ADGRL3: variants seen among roughly 807,000 people sequenced by gnomAD.
ADGRL3 encodes calcium-independent alpha-latrotoxin receptor 3.
A neutral mutation model predicts 153.5 loss-of-function variants in ADGRL3; 62 were observed. The ratio of observed to expected loss-of-function variants is 0.40; its 90% CI spans 0.33 to 0.50. ADGRL3 has a LOEUF of 0.50. Ranked by LOEUF, ADGRL3 falls within the 20% of genes least tolerant of loss-of-function variation. The probability of loss-of-function intolerance (pLI) is 0.47; values close to 1 mark genes in which losing one functional copy is unlikely to be tolerated. For missense variants in ADGRL3, 1,641 were observed against 1,859.4 expected (o/e 0.88, Z 2.16); for synonymous variants, 710 against 672.5 (o/e 1.06, Z -0.86).
intron 4 of ADGRL3, among the ~76,000 whole-genome samples, chr4:61,522,039 T>C (rs2098534393): frequency 6.6e-6 from 1 of 152,164 alleles, no homozygotes; most frequent in Admixed American, 6.6e-5. Context: ...TAAGGATATC[T>C]GCTAGGATTT....
chr4:61,780,190 G>T (rs1013772848), intron 8 of ADGRL3, among the ~76,000 whole-genome samples: 10 of 152,168 alleles, frequency 6.6e-5, no homozygotes, highest in Admixed American at 3.9e-4. Flanking sequence ...ACCCTGTTTT[G>T]TGTCCTCACA....
intron 1 of ADGRL3, among the ~76,000 whole-genome samples, chr4:61,280,472 T>A (rs1487567511): frequency 6.6e-6 from 1 of 152,096 alleles, no homozygotes; most frequent in African/African-American, 2.4e-5. Flanking sequence ...TTACTTCTTC[T>A]CCCTAACACA....
At chr4:61,404,537 T>G (rs1351578778) in intron 2 of ADGRL3, among the ~76,000 whole-genome samples, 2 of 152,078 alleles carry the variant, frequency 1.3e-5, no homozygotes, top group Non-Finnish European at 2.9e-5. Flanking sequence ...ATCATGTCAT[T>G]GAGCATTTCT....
At chr4:61,308,048 C>T (rs1170932670) in intron 1 of ADGRL3, among the ~76,000 whole-genome samples, 2 of 152,160 alleles carry the variant, frequency 1.3e-5, no homozygotes, top group African/African-American at 2.4e-5. Context: ...ATAAAGATCT[C>T]TCTGAAAACA....
At chr4:61,293,077 A>G (rs575586154) in intron 1 of ADGRL3, among the ~76,000 whole-genome samples, 1 of 152,258 alleles carries the variant, frequency 6.6e-6, no homozygotes, top group Admixed American at 6.5e-5. Context: ...GCCTTAGCAG[A>G]GCAGGGCTGA....
At chr4:61,845,285 C>A (rs1014490703) in intron 9 of ADGRL3, among the ~76,000 whole-genome samples, 1 of 151,842 alleles carries the variant, frequency 6.6e-6, no homozygotes, top group Non-Finnish European at 1.5e-5. Flanking sequence ...TTCCCATTAT[C>A]TTTTTCTCTT....
chr4:61,989,219 A>T (rs1023142024), intron 19 of ADGRL3, among the ~76,000 whole-genome samples: 3 of 152,100 alleles, frequency 2.0e-5, no homozygotes, highest in African/African-American at 7.2e-5. Context: ...ATATGCATAG[A>T]TTTATTTAAT....
At chr4:61,283,580 TC>T (rs2093809871) in intron 1 of ADGRL3, among the ~76,000 whole-genome samples, 1 of 152,010 alleles carries the variant, frequency 6.6e-6, no homozygotes, top group African/African-American at 2.4e-5. Context: ...GACACCACTC[TC>T]CTCATTTGCA....
chr4:61,849,594 C>A (rs1417324252), intron 9 of ADGRL3, among the ~76,000 whole-genome samples: 1 of 152,052 alleles, frequency 6.6e-6, no homozygotes, highest in African/African-American at 2.4e-5. Flanking sequence ...TCCTTCTCTG[C>A]AGCATTTTTG....
At chr4:61,358,061 C>A (rs952859267) in intron 1 of ADGRL3, among the ~76,000 whole-genome samples, 3 of 152,118 alleles carry the variant, frequency 2.0e-5, no homozygotes, top group Non-Finnish European at 4.4e-5. Flanking sequence ...CTCTTTTGAA[C>A]ACATTCCCAT....
intron 25 of ADGRL3, among the ~76,000 whole-genome samples, chr4:62,048,507 C>G (rs951658491): frequency 1.3e-5 from 2 of 151,836 alleles, no homozygotes; most frequent in Non-Finnish European, 2.9e-5. Context: ...GTGATCCACC[C>G]GCCTTGGCCT....
chr4:61,689,630 G>A (rs1394590274), intron 6 of ADGRL3, among the ~76,000 whole-genome samples: 2 of 152,008 alleles, frequency 1.3e-5, no homozygotes, highest in Non-Finnish European at 2.9e-5. Context: ...AAATATAAAA[G>A]ATTAAAATAT....
intron 8 of ADGRL3, among the ~76,000 whole-genome samples, chr4:61,755,832 A>G (rs2096822263): frequency 6.6e-6 from 1 of 152,148 alleles, no homozygotes; most frequent in African/African-American, 2.4e-5. Context: ...TCAGCTTTCT[A>G]CATATGGCTA....
intron 9 of ADGRL3, among the ~76,000 whole-genome samples, chr4:61,851,285 G>A (rs183194241): frequency 5.0e-4 from 76 of 152,094 alleles, no homozygotes; most frequent in Non-Finnish European, 9.3e-4. Flanking sequence ...TACTTAGAAT[G>A]TTAATAAAAA....
At chr4:61,579,480 A>G (rs570455553) in intron 4 of ADGRL3, 23 of 353,706 alleles carry the variant, frequency 6.5e-5, no homozygotes, top group Non-Finnish European at 1.2e-4. Flanking sequence ...TTGAAATGCT[A>G]TAGTAAGTAG....
At chr4:61,845,175 G>A (rs1355312519) in intron 9 of ADGRL3, among the ~76,000 whole-genome samples, 2 of 151,850 alleles carry the variant, frequency 1.3e-5, no homozygotes, top group Non-Finnish European at 2.9e-5. Context: ...AATTTTCTTT[G>A]ATTCACAAAA....
intron 6 of ADGRL3, chr4:61,677,343 A>T: frequency 2.6e-6 from 1 of 381,898 alleles, no homozygotes; most frequent in South Asian, 2.0e-5. Context: ...TCTAAGCTTC[A>T]TCTGCTGTCA....
intron 9 of ADGRL3, among the ~76,000 whole-genome samples, chr4:61,847,697 A>T (rs2098137495): frequency 2.1e-5 from 1 of 46,526 alleles, no homozygotes; most frequent in Admixed American, 3.9e-4. Flanking sequence ...TATAATATAA[A>T]ATATATTATA....
At chr4:61,893,083 CTCTT>C (rs2098600550) in intron 10 of ADGRL3, 125 bp downstream of exon 10, 3 of 422,074 alleles carry the variant, frequency 7.1e-6, no homozygotes, top group East Asian at 3.7e-5. Context: ...CCCTCCTTGT[CTCTT>C]TCTTTCTCCT....
Sources: allele counts gnomAD v4.1 joint callset (sites outside exome capture counted in the v4.1 genomes callset), GRCh38; gene constraint gnomAD v4.1.1; transcripts MANE v1.5; gene names NCBI Gene and HGNC (gene_info 2026-07-23, HGNC 2026-07-21).